The following TAX1BP1 variants were observed in gnomAD, a reference collection of about 807,000 sequenced individuals.
The protein encoded by TAX1BP1 is tax1-binding protein 1.
A neutral mutation model predicts 97.7 loss-of-function variants in TAX1BP1; 62 were observed. That is an observed-to-expected ratio of 0.63 (90% CI 0.52 to 0.78). The LOEUF (loss-of-function observed/expected upper bound fraction) is 0.78. Ranked by LOEUF, TAX1BP1 falls within the 30% of genes least tolerant of loss-of-function variation. TAX1BP1 has a pLI of 0.00. For missense variants in TAX1BP1, 867 were observed against 916.1 expected (o/e 0.95, Z 0.69); for synonymous variants, 340 against 304.2 (o/e 1.12, Z -1.23).
chr7:27,745,330 G>A (rs10214930), intron 1 of TAX1BP1, among the ~76,000 whole-genome samples: 30,595 of 152,120 alleles, frequency 0.2, 3,215 homozygotes, highest in Admixed American at 0.26. Context: ...GACATTCTCA[G>A]TGAATTCCAA....
chr7:27,769,319 C>T (rs1419668758), intron 4 of TAX1BP1, among the ~76,000 whole-genome samples: 1 of 151,868 alleles, frequency 6.6e-6, no homozygotes, highest in Non-Finnish European at 1.5e-5. Flanking sequence ...ACAACTTTTC[C>T]TCTTGGAGTA....
intron 5 of TAX1BP1, among the ~76,000 whole-genome samples, chr7:27,775,129 G>A (rs77786360): frequency 0.011 from 1,686 of 152,210 alleles, 26 homozygotes; most frequent in African/African-American, 0.036. Flanking sequence ...AGCCTGAGAA[G>A]CTATGGTTAT....
chr7:27,780,922 A>T (rs932276197), intron 5 of TAX1BP1, among the ~76,000 whole-genome samples: 2 of 152,154 alleles, frequency 1.3e-5, no homozygotes, highest in African/African-American at 4.8e-5. Context: ...ATAAGACTAC[A>T]TCATTGAGTA....
intron 13 of TAX1BP1, chr7:27,803,185 T>G: frequency 6.5e-7 from 1 of 1,532,962 alleles, no homozygotes; most frequent in Non-Finnish European, 8.8e-7. Context: ...GAGAAGGTAT[T>G]GAGCAATGTA....
At chr7:27,775,695 T>C (rs36057260) in intron 5 of TAX1BP1, among the ~76,000 whole-genome samples, 21,180 of 152,080 alleles carry the variant, frequency 0.14, 1,740 homozygotes, top group Middle Eastern at 0.19. Flanking sequence ...CAGGCTGCAA[T>C]TGCCCTACCT....
intron 3 of TAX1BP1, among the ~76,000 whole-genome samples, chr7:27,760,200 C>T (rs1039675504): frequency 1.3e-5 from 2 of 151,898 alleles, no homozygotes; most frequent in Non-Finnish European, 2.9e-5. Context: ...CTTATCTGAT[C>T]TGGTTTACCA....
chr7:27,758,016 G>A lies in TAX1BP1; in HGVS notation c.163-15G>A, dbSNP rs764549692. The A allele has an allele frequency of 6.3e-6, 10 of 1,581,952 alleles. No homozygotes were observed. The African/African-American group carries it at 1.1e-4, about 17-fold the overall frequency. On this transcript the variant is annotated splice_polypyrimidine_tract_variant and intron_variant, in intron 2 of 16. Coordinates refer to ENST00000396319, the MANE Select transcript of TAX1BP1 (RefSeq NM_006024.7). The stretch of plus-strand genomic sequence containing the variant: ...ATTTGCTTATAAATCCGCCTTTTTT[G>A]TTATTTCCCTTTAGGTTGGATGGAG...
At chr7:27,808,920 T>G (rs1275601394) in intron 13 of TAX1BP1, among the ~76,000 whole-genome samples, 1 of 152,254 alleles carries the variant, frequency 6.6e-6, no homozygotes, top group Non-Finnish European at 1.5e-5. Context: ...CCAGGGATTC[T>G]TGACCATTTT....
At chr7:27,774,917 A>G (rs936305115) in intron 5 of TAX1BP1, among the ~76,000 whole-genome samples, 7 of 152,176 alleles carry the variant, frequency 4.6e-5, no homozygotes, top group Non-Finnish European at 5.9e-5. Context: ...TCTAGCGATC[A>G]CATAACTGTG....
At chr7:27,741,117 C>T (rs1322768010) in intron 1 of TAX1BP1, among the ~76,000 whole-genome samples, 1 of 152,216 alleles carries the variant, frequency 6.6e-6, no homozygotes, top group African/African-American at 2.4e-5. Flanking sequence ...TCCGGTTTCA[C>T]ACAGTGGTTA....
At chr7:27,797,834 C>G (rs1789993748) in intron 12 of TAX1BP1, among the ~76,000 whole-genome samples, 1 of 145,766 alleles carries the variant, frequency 6.9e-6, no homozygotes, top group Non-Finnish European at 1.5e-5. Flanking sequence ...CAAAAACCTT[C>G]CTCAGGGTGC....
chr7:27,772,120 G>T (rs180826722), intron 5 of TAX1BP1: 1 of 150,936 alleles, frequency 6.6e-6, no homozygotes, highest in Non-Finnish European at 1.5e-5. Flanking sequence ...AGGAGAGATA[G>T]TTCCTCTTTG....
intron 2 of TAX1BP1, among the ~76,000 whole-genome samples, chr7:27,751,804 A>G (rs1156681040): frequency 1.3e-5 from 2 of 152,046 alleles, no homozygotes; most frequent in African/African-American, 4.8e-5. Context: ...TGGGACAGCT[A>G]TCAATTAAAA....
At chr7:27,793,290 A>G (rs1322424368) in intron 10 of TAX1BP1, 78 bp downstream of exon 10, 2 of 1,217,630 alleles carry the variant, frequency 1.6e-6, no homozygotes, top group East Asian at 2.7e-5. Flanking sequence ...TAATATTCCA[A>G]ATATCAACCT....
intron 13 of TAX1BP1, among the ~76,000 whole-genome samples, chr7:27,813,167 T>TC (rs762655319): frequency 6.8e-6 from 1 of 146,826 alleles, no homozygotes; most frequent in African/African-American, 2.5e-5. Context: ...TTTTTTTTTT[T>TC]CTTAAAGACA....
intron 2 of TAX1BP1, among the ~76,000 whole-genome samples, chr7:27,750,349 A>G (rs2128307672): frequency 6.6e-6 from 1 of 152,332 alleles, no homozygotes; most frequent in Middle Eastern, 3.4e-3. Context: ...GGAACATTTT[A>G]TGTTTTGGAT....
intron 13 of TAX1BP1, among the ~76,000 whole-genome samples, chr7:27,812,089 T>C (rs1181209978): frequency 6.6e-6 from 1 of 152,240 alleles, no homozygotes; most frequent in Non-Finnish European, 1.5e-5. Flanking sequence ...ACAAAGTGGC[T>C]GTACCATTTT....
chr7:27,799,576 C>G (rs1228334294), intron 12 of TAX1BP1, among the ~76,000 whole-genome samples: 1 of 152,018 alleles, frequency 6.6e-6, no homozygotes, highest in Admixed American at 6.5e-5. Flanking sequence ...ATTCTGATCC[C>G]CTGAGATAAG....
intron 10 of TAX1BP1, 37 bp downstream of exon 10, chr7:27,793,249 T>A: frequency 1.3e-6 from 2 of 1,496,536 alleles, no homozygotes; most frequent in Non-Finnish European, 1.8e-6. Context: ...TAAAATGTGT[T>A]GTTAGTATTT....
Sources: allele counts gnomAD v4.1 joint callset (sites outside exome capture counted in the v4.1 genomes callset), GRCh38; gene constraint gnomAD v4.1.1; transcripts MANE v1.5; gene names NCBI Gene and HGNC (gene_info 2026-07-23, HGNC 2026-07-21).